The following MTMR7 variants were observed in gnomAD, a reference collection of about 807,000 sequenced individuals.
The protein encoded by MTMR7 is myotubularin related protein 7, also known as phosphatidylinositol-3-phosphate phosphatase MTMR7.
MTMR7 carries 76 observed loss-of-function variants against 81.2 expected under a neutral mutation model. That is an observed-to-expected ratio of 0.94 (90% CI 0.78 to 1.13). The LOEUF (loss-of-function observed/expected upper bound fraction) is 1.13. Among genes scored for constraint, MTMR7 ranks in the 50% most tolerant of loss-of-function variants. The pLI, the probability that MTMR7 is intolerant of heterozygous loss-of-function variation, is 0.00. For synonymous variants in MTMR7, 372 were observed against 289.8 expected (o/e 1.28, Z -2.88); for missense variants, 1,044 against 820.0 (o/e 1.27, Z -3.34).
chr8:17,340,866 A>G (rs913522168), intron 6 of MTMR7, among the ~76,000 whole-genome samples: 2 of 152,226 alleles, frequency 1.3e-5, no homozygotes, highest in Non-Finnish European at 2.9e-5. Context: ...TTACACACCT[A>G]GAACTTTTTA....
chr8:17,301,945 C>T, intron 13 of MTMR7: 3 of 507,118 alleles, frequency 5.9e-6, no homozygotes, highest in Non-Finnish European at 9.8e-6. Flanking sequence ...TGGAACTGAG[C>T]CACAAACCAG....
chr8:17,396,166 G>C (rs926693221), intron 1 of MTMR7, among the ~76,000 whole-genome samples: 1 of 150,782 alleles, frequency 6.6e-6, no homozygotes, highest in East Asian at 1.9e-4. Context: ...GGGATGGAAA[G>C]AGAGATGACC....
At chr8:17,395,140 T>C (rs73211118) in intron 1 of MTMR7, among the ~76,000 whole-genome samples, 7,072 of 152,076 alleles carry the variant, frequency 0.047, 243 homozygotes, top group Non-Finnish European at 0.071. Context: ...GAATTCTATA[T>C]ACCTCATGTA....
Position 17,305,795 on chromosome 8 carries a change from G to C in MTMR7, c.1314C>G (p.Asn438Lys). The C allele has an allele frequency of 1.9e-6, 3 of 1,613,532 alleles. No individual in the cohort carries two copies. The highest frequency in any genetic ancestry group is 8.5e-7 in the Non-Finnish European group (1 of 1,179,658). Residue 438 changes from asparagine to lysine, a missense_variant, in exon 11 of 14, where the codon AAC (asparagine) becomes AAG (lysine). Physicochemically the swap from Asn to Lys is moderately conservative, Grantham distance 94. Coordinates refer to ENST00000180173, the MANE Select transcript of MTMR7 (RefSeq NM_004686.5). ...TCTCCTTTTGGCTGTTACATAGGAA[G>C]TTTCCAAACTGGCAGGAATAAATGT... Reference protein sequence around the residue: ...QHHIYSCQFGNFLCNSQKERR... With the variant: ...QHHIYSCQFGKFLCNSQKERR...
At chr8:17,320,349 C>G (rs887890779) in intron 7 of MTMR7, among the ~76,000 whole-genome samples, 2 of 152,098 alleles carry the variant, frequency 1.3e-5, no homozygotes, top group African/African-American at 4.8e-5. Context: ...TACATATTCC[C>G]TCACACACCC....
intron 12 of MTMR7, among the ~76,000 whole-genome samples, chr8:17,302,593 A>C (rs1190708168): frequency 2.0e-5 from 3 of 150,558 alleles, no homozygotes; most frequent in Non-Finnish European, 4.4e-5. Flanking sequence ...CTTAGTTTTG[A>C]ACTTTGAAAT....
intron 1 of MTMR7, among the ~76,000 whole-genome samples, chr8:17,394,156 T>C (rs555600103): frequency 1.1e-4 from 17 of 152,180 alleles, no homozygotes; most frequent in Non-Finnish European, 2.1e-4. Flanking sequence ...AGATTAAGCA[T>C]GCATTAACAT....
rs1586123715 is a variant in MTMR7 at position 17,300,163 on chromosome 8, T to C, written c.1682A>G (p.Glu561Gly). Residue 561 changes from glutamate (E) to glycine (G), a missense_variant, in exon 14 of 14, where the codon GAG becomes GGG. Coordinates refer to ENST00000180173, the MANE Select transcript of MTMR7 (RefSeq NM_004686.5). ...AGAAAACCCTGAGTGCTTGCTGGGC[T>C]CACTTTGCTTACTCTTCACCTTAGT... Reference protein sequence around the residue: ...NCTKVKSKQSEPSKHSGFSTS... With the variant: ...NCTKVKSKQSGPSKHSGFSTS... 5.0e-6 allele frequency: 8 copies of C among 1,614,022 alleles called. No homozygotes were observed. Among genetic ancestry groups the C allele is most frequent in the Non-Finnish European group, 2.5e-6 (3 of 1,179,990 alleles).
rs117289541 is a variant in MTMR7 at position 17,327,337 on chromosome 8, C to A, written c.865+3813G>T. Among the ~76,000 whole-genome samples the A allele has an allele frequency of 8.2e-3, 1,253 of 152,338 alleles. 13 individuals carry two copies. The highest frequency in any genetic ancestry group is 0.02 in the Admixed American group (301 of 15,302). On this transcript the variant is annotated intron_variant, in intron 7 of 13. Coordinates refer to ENST00000180173, the MANE Select transcript of MTMR7 (RefSeq NM_004686.5). ...CCAGGCTGGAGTCCAGTGGCACGATCATGGCTTACTGCAGCCTCAACCTCC... is the reference window on the plus strand; with the variant it reads ...CCAGGCTGGAGTCCAGTGGCACGATAATGGCTTACTGCAGCCTCAACCTCC...
intron 3 of MTMR7, 71 bp from the exon 4 acceptor site, chr8:17,361,345 T>G: frequency 1.3e-6 from 2 of 1,571,646 alleles, no homozygotes; most frequent in South Asian, 2.3e-5. Flanking sequence ...CCGAAAACAT[T>G]CTGTCCCACC....
intron 1 of MTMR7, among the ~76,000 whole-genome samples, chr8:17,389,726 G>A (rs1821046914): frequency 6.6e-6 from 1 of 152,132 alleles, no homozygotes; most frequent in Non-Finnish European, 1.5e-5. Context: ...TGTGGAAGAT[G>A]TTGCACATAC....
At chr8:17,309,856 G>T (rs1470292011) in intron 9 of MTMR7, among the ~76,000 whole-genome samples, 1 of 152,092 alleles carries the variant, frequency 6.6e-6, no homozygotes. Context: ...CACATTATAA[G>T]AATTCTAAAA....
chr8:17,407,368 T>G (rs1439090158), intron 1 of MTMR7, among the ~76,000 whole-genome samples: 1 of 152,060 alleles, frequency 6.6e-6, no homozygotes, highest in African/African-American at 2.4e-5. Context: ...GTAAGAAACA[T>G]AGTCTATATT....
chr8:17,304,326 T>C (rs1817311236), intron 12 of MTMR7, 53 bp downstream of exon 12: 1 of 1,586,132 alleles, frequency 6.3e-7, no homozygotes, highest in African/African-American at 1.3e-5. Flanking sequence ...TGTTAAACGG[T>C]ACCAGAATCC....
At chr8:17,328,310 C>T (rs527415178) in intron 7 of MTMR7, among the ~76,000 whole-genome samples, 34 of 152,260 alleles carry the variant, frequency 2.2e-4, no homozygotes, top group African/African-American at 7.7e-4. Flanking sequence ...TCCTCTTCAC[C>T]ACTTCCTCCC....
chr8:17,316,561 G>A (rs1818084248), intron 7 of MTMR7, among the ~76,000 whole-genome samples: 1 of 151,684 alleles, frequency 6.6e-6, no homozygotes, highest in African/African-American at 2.4e-5. Flanking sequence ...GAGTTCCTAA[G>A]TCTTCAGCTC....
At position 17,398,778 on chromosome 8, in the gene MTMR7, C is replaced by G. The variant is rs140530743; in HGVS notation, c.24+14491G>C. Reference sequence around the variant, plus strand: ...AACTACAACTTTTCAAGGCATAGTACAATAAGACATCAAGAGATGCAACAA... The same window carrying G: ...AACTACAACTTTTCAAGGCATAGTAGAATAAGACATCAAGAGATGCAACAA... On this transcript the variant is annotated intron_variant, in intron 1 of 13. Coordinates refer to ENST00000180173, the MANE Select transcript of MTMR7 (RefSeq NM_004686.5). Among the ~76,000 whole-genome samples, 38 of 151,950 alleles carry G rather than the reference C, an allele frequency of 2.5e-4. No homozygotes were observed. In the East Asian group the frequency reaches 7.0e-3, roughly 28 times the overall value.
rs557135959 is a variant in MTMR7 at position 17,341,514 on chromosome 8, C to G, written c.598-17G>C. 7.3e-5 allele frequency: 117 copies of G among 1,612,184 alleles called. No homozygotes were observed. The highest frequency in any genetic ancestry group is 9.3e-5 in the Non-Finnish European group (110 of 1,179,788). On this transcript the variant is annotated splice_polypyrimidine_tract_variant and intron_variant, in intron 5 of 13. Coordinates refer to ENST00000180173, the MANE Select transcript of MTMR7 (RefSeq NM_004686.5). ...GATGGAGGCCTAGGGGGAGAGGTCA[C>G]AGCAACACAGCACCATCAGGTAACT...
chr8:17,306,847 G>C (rs531216386), intron 10 of MTMR7, among the ~76,000 whole-genome samples: 1 of 152,130 alleles, frequency 6.6e-6, no homozygotes, highest in Non-Finnish European at 1.5e-5. Context: ...GTAGAAAGCT[G>C]AAACTGGATC....
Sources: allele counts gnomAD v4.1 joint callset (sites outside exome capture counted in the v4.1 genomes callset), GRCh38; gene constraint gnomAD v4.1.1; transcripts MANE v1.5; gene names NCBI Gene and HGNC (gene_info 2026-07-23, HGNC 2026-07-21).